SRPRA: variants seen among roughly 807,000 people sequenced by gnomAD.
The protein encoded by SRPRA is signal recognition particle receptor subunit alpha.
Under a neutral mutation model 61.1 loss-of-function variants are expected in SRPRA, and 30 were observed. The observed-to-expected ratio is 0.49, with a 90% CI of 0.37 to 0.67. The LOEUF is 0.67. Among genes scored for constraint, SRPRA ranks in the 30% least tolerant of loss-of-function variants. SRPRA has a pLI of 0.00. For synonymous variants in SRPRA, 324 were observed against 299.7 expected (o/e 1.08, Z -0.84); for missense variants, 759 against 828.4 (o/e 0.92, Z 1.03).
At chr11:126,242,606 C>T in the SRPRA span, among the ~76,000 whole-genome samples, 11 of 152,202 alleles carry the variant, frequency 7.2e-5, no homozygotes, top group Admixed American at 5.9e-4. Flanking sequence ...AGAAGATACA[C>T]AAACGGCCAA....
downstream of SRPRA, among the ~76,000 whole-genome samples, chr11:126,258,827 TA>T (rs1309390068): frequency 2.6e-5 from 4 of 152,236 alleles, no homozygotes; most frequent in South Asian, 4.1e-4. Flanking sequence ...TCTGTTGCAC[TA>T]AATCTTAGCA....
chr11:126,262,364 C>G, downstream of SRPRA: 3 of 566,424 alleles, frequency 5.3e-6, no homozygotes, highest in South Asian at 6.6e-5. Context: ...ACAGCAGGAC[C>G]CAAATGCAGC....
chr11:126,247,937 A>T, the SRPRA span, among the ~76,000 whole-genome samples: 2 of 146,938 alleles, frequency 1.4e-5, no homozygotes, highest in African/African-American at 2.5e-5. Context: ...CTATATATAT[A>T]TTTTTGTACT....
chr11:126,237,870 A>AG, the SRPRA span, among the ~76,000 whole-genome samples: 1 of 150,678 alleles, frequency 6.6e-6, no homozygotes, highest in Non-Finnish European at 1.5e-5. Context: ...AAAAAAAAAA[A>AG]AAAGAAAAGA....
In SRPRA at chr11:126,263,274, C is replaced by T. The variant is rs1950740328; in HGVS notation, c.*642G>A. On this transcript the variant is annotated 3_prime_UTR_variant, in exon 14 of 14. Transcript: ENST00000332118. Reference sequence around the variant, plus strand: ...GGAGGCCAAGAAGCCCAATGCAACGCTGCAGCTGAGCTCCTTTTATTTCTG... The same window carrying T: ...GGAGGCCAAGAAGCCCAATGCAACGTTGCAGCTGAGCTCCTTTTATTTCTG... The T allele has an allele frequency of 1.3e-5, 2 of 152,446 alleles. No individual in the cohort carries two copies. Among genetic ancestry groups the T allele is most frequent in the African/African-American group, 4.8e-5 (2 of 41,458 alleles). The allele number at this position is 152,446 out of a possible 1,614,324, so 9.4% of individuals were successfully genotyped here.
At chr11:126,261,610 A>G, downstream of SRPRA, 1 of 706,524 alleles carries the variant, frequency 1.4e-6, no homozygotes, top group Non-Finnish European at 2.4e-6. Context: ...CACTGTAGAG[A>G]ATGATTTTCC....
At chr11:126,261,823 T>C (rs190945625), downstream of SRPRA, among the ~76,000 whole-genome samples, 1 of 152,248 alleles carries the variant, frequency 6.6e-6, no homozygotes, top group Non-Finnish European at 1.5e-5. Context: ...ATGCTGTTTC[T>C]ACAAAAAAAA....
chr11:126,263,177 T>A lies in SRPRA; in HGVS notation c.*739A>T, dbSNP rs1441606470. The A allele has an allele frequency of 6.6e-6, 1 of 152,430 alleles. No individual in the cohort carries two copies. Among genetic ancestry groups the A allele is most frequent in the Non-Finnish European group, 1.5e-5 (1 of 68,054 alleles). 9.4% of individuals were successfully genotyped at this position (152,430 alleles called of 1,614,324 possible). On this transcript the variant is annotated 3_prime_UTR_variant, in exon 14 of 14. Transcript: ENST00000332118. ...GGGAGGGGGTCATCATACATCCTTC[T>A]GACAATTGGTTTCCTCCCAGGAAGG...
At position 126,263,816 on chromosome 11, in the gene SRPRA, A is replaced by G. The variant is rs1950752516; in HGVS notation, c.*100T>C. The G allele has an allele frequency of 1.0e-5, 16 of 1,526,596 alleles. 1 individual carries two copies. In the Admixed American group the frequency reaches 3.1e-4, roughly 29 times the overall value. 94.6% of individuals were successfully genotyped at this position (1,526,596 alleles called of 1,614,324 possible). A position where few individuals can be genotyped will look rare whatever the true frequency, so the allele number is the denominator to read the frequency against. On this transcript the variant is annotated 3_prime_UTR_variant, in exon 14 of 14. Coordinates refer to ENST00000332118, the MANE Select transcript of SRPRA (RefSeq NM_003139.4). ...AGCCCCCTCACTCTGCCTTTGTACT[A>G]CACTGAAGACAGGTTGCTCACATAC...
the SRPRA span, among the ~76,000 whole-genome samples, chr11:126,256,378 A>G: frequency 3.9e-5 from 6 of 152,274 alleles, no homozygotes; most frequent in Non-Finnish European, 7.3e-5. The surrounding 1 kb of genome is among the most constrained non-coding windows in gnomAD (Gnocchi z 6.6). Context: ...AGGTAAAGAT[A>G]AAATTTTAGA....
chr11:126,263,583 T>G lies in SRPRA; in HGVS notation c.*333A>C. On this transcript the variant is annotated 3_prime_UTR_variant, in exon 14 of 14. Coordinates refer to ENST00000332118, the MANE Select transcript of SRPRA (RefSeq NM_003139.4). The stretch of plus-strand genomic sequence containing the variant: ...AGGCTCAGACGGCTCTTGACCACAC[T>G]AATTATTAGCAAAGCTCTGGTGTTG... 1 of 248,706 alleles carries G rather than the reference T, an allele frequency of 4.0e-6. No homozygotes were observed. Among genetic ancestry groups the G allele is most frequent in the Non-Finnish European group, 7.9e-6 (1 of 125,980 alleles). The allele number at this position is 248,706 out of a possible 1,614,324, so 15.4% of individuals were successfully genotyped here. A position where few individuals can be genotyped will look rare whatever the true frequency, so the allele number is the denominator to read the frequency against.
chr11:126,243,439 C>T, the SRPRA span, among the ~76,000 whole-genome samples: 8 of 150,722 alleles, frequency 5.3e-5, no homozygotes, highest in South Asian at 4.2e-4. Flanking sequence ...ACTGCAGTCT[C>T]GGTGACAGAG....
downstream of SRPRA, chr11:126,262,305 A>C: frequency 4.8e-6 from 3 of 626,706 alleles, no homozygotes; most frequent in South Asian, 1.9e-5. Flanking sequence ...CCTTCATACC[A>C]CCTGGTTCTT....
Position 126,264,614 on chromosome 11 carries a change from T to G in SRPRA, c.1526-75A>C. 1.3e-6 allele frequency: 2 copies of G among 1,549,570 alleles called. No homozygotes were observed. The highest frequency in any genetic ancestry group is 2.4e-5 in the South Asian group (2 of 84,506). On this transcript the variant is annotated intron_variant, in intron 11 of 13. Transcript: ENST00000332118. This position sits in a 1 kb window ranked among gnomAD's most constrained non-coding sequence, Gnocchi z 5.0. ...TCGTTCCCAGCTTCCTCTCAAAAAG[T>G]CCTAGTTTGACTACCTGTTCACTGT...
chr11:126,264,810 G>T lies in SRPRA; in HGVS notation c.1525+149C>A. ...CTGCAACTACATCTGTTATCCAAAA[G>T]CAGAGCATGGCAAGTAACTGATCTG... On this transcript the variant is annotated intron_variant, in intron 11 of 13. Coordinates refer to ENST00000332118, the MANE Select transcript of SRPRA (RefSeq NM_003139.4). The surrounding 1 kb of genome is among the most constrained non-coding windows in gnomAD (Gnocchi z 5.0). The T allele has an allele frequency of 1.2e-6, 1 of 844,106 alleles. No individual in the cohort carries two copies. Among genetic ancestry groups the T allele is most frequent in the Non-Finnish European group, 1.8e-6 (1 of 557,796 alleles). 52.3% of individuals were successfully genotyped at this position (844,106 alleles called of 1,614,324 possible).
chr11:126,262,213 G>A, downstream of SRPRA: 1 of 1,480,972 alleles, frequency 6.8e-7, no homozygotes, highest in Non-Finnish European at 9.4e-7. Context: ...AAACTTACAA[G>A]AACCCAACAC....
chr11:126,248,358 CTTTTTTTTTTTT>C, the SRPRA span, among the ~76,000 whole-genome samples: 525 of 36,984 alleles, frequency 0.014, 18 homozygotes, highest in African/African-American at 0.061. Context: ...TAGTAGTTGA[CTTTTTTTTTTTT>C]TTTTTTTTTT....
the SRPRA span, chr11:126,240,678 T>C: frequency 7.2e-6 from 8 of 1,111,556 alleles, no homozygotes; most frequent in Non-Finnish European, 1.0e-5. Context: ...CTGCTGTTCA[T>C]CTTCTTTGCA....
In SRPRA at chr11:126,264,002, T is replaced by C. The variant is rs780995857; in HGVS notation, c.1831A>G (p.Ile611Val). ...ISMTYITSKP[I>V]VFVGTGQTYC... ...GTCTGGCCGGTGCCCACAAAGACGA[T>C]GGGTTTGCTTGTGATGTACGTCATA... The change falls in exon 14 of 14, where the codon ATC (isoleucine) becomes GTC (valine). Residue 611 changes from isoleucine to valine, a missense_variant. By Grantham distance (29) the Ile-to-Val change is conservative (BLOSUM62 3). Coordinates refer to ENST00000332118, the MANE Select transcript of SRPRA (RefSeq NM_003139.4). This position sits in a 1 kb window ranked among gnomAD's most constrained non-coding sequence, Gnocchi z 5.0. 5 of 1,614,154 alleles carry C rather than the reference T, an allele frequency of 3.1e-6. No homozygotes were observed. The South Asian group carries it at 3.3e-5, about 11-fold the overall frequency.
Sources: allele counts gnomAD v4.1 joint callset (sites outside exome capture counted in the v4.1 genomes callset), GRCh38; gene constraint gnomAD v4.1.1; non-coding constraint Gnocchi (gnomAD v3.1); transcripts MANE v1.5; gene names NCBI Gene and HGNC (gene_info 2026-07-23, HGNC 2026-07-21).